DUSP22: variants seen among roughly 807,000 people sequenced by gnomAD.
The protein encoded by DUSP22 is dual specificity phosphatase 22, also known as dual specificity protein phosphatase 22.
DUSP22 carries 24 observed loss-of-function variants against 24.5 expected under a neutral mutation model. The observed-to-expected ratio is 0.98, with a 90% CI of 0.71 to 1.38. The LOEUF is 1.38. Among genes scored for constraint, DUSP22 ranks in the 40% most tolerant of loss-of-function variants. The pLI, the probability that DUSP22 is intolerant of heterozygous loss-of-function variation, is 0.00. For synonymous variants in DUSP22, 160 were observed against 106.4 expected, an observed-to-expected ratio of 1.50 and a Z score of -3.10; for missense variants, 330 against 269.2, an observed-to-expected ratio of 1.23 and a Z score of -1.58.
chr6:339,462 T>C (rs993430585), intron 4 of DUSP22, among the ~76,000 whole-genome samples: 2 of 152,310 alleles, frequency 1.3e-5, no homozygotes, highest in Admixed American at 6.5e-5. Flanking sequence ...GTTAGATGCA[T>C]ATTAACTTAT....
chr6:347,709 T>C (rs1157853031), intron 5 of DUSP22, among the ~76,000 whole-genome samples: 7 of 152,306 alleles, frequency 4.6e-5, no homozygotes, highest in Admixed American at 2.6e-4. Flanking sequence ...TGAAGCATTC[T>C]AAACAAATGT....
chr6:350,827 C>A lies in DUSP22; in HGVS notation c.*1876C>A. The A allele has an allele frequency of 6.2e-7, 1 of 1,614,266 alleles. No individual in the cohort carries two copies. ...GTAATGTTCTTTCTTCACAGCCGCT[C>A]CGGGAATTCTGAAGTTCTGGGCCTT... is the stretch of plus-strand genomic sequence containing the variant. On this transcript the variant is annotated 3_prime_UTR_variant, in exon 7 of 7. Transcript: ENST00000419235.
intron 1 of DUSP22, among the ~76,000 whole-genome samples, chr6:299,402 G>T (rs1757483576): frequency 6.6e-6 from 1 of 152,300 alleles, no homozygotes; most frequent in Non-Finnish European, 1.5e-5. Context: ...GAAAATAGAT[G>T]GGTCAAAATT....
chr6:350,643 A>G lies in DUSP22; in HGVS notation c.*1692A>G. ...TCATCCATCCGTCTACAGCTAAAAC[A>G]ATTTGCCAATAAAGTACATGTTTTT... On this transcript the variant is annotated 3_prime_UTR_variant, in exon 7 of 7. Coordinates refer to ENST00000419235, the MANE Select transcript of DUSP22 (RefSeq NM_001286555.3). 6.7e-7 allele frequency: 1 copy of G among 1,488,390 alleles called. No individual in the cohort carries two copies. The highest frequency in any genetic ancestry group is 8.9e-7 in the Non-Finnish European group (1 of 1,120,364). The allele number at this position is 1,488,390 out of a possible 1,614,324, so 92.2% of individuals were successfully genotyped here. A position where few individuals can be genotyped will look rare whatever the true frequency, so the allele number is the denominator to read the frequency against.
At chr6:293,204 T>A (rs1429593867) in intron 1 of DUSP22, among the ~76,000 whole-genome samples, 1 of 152,298 alleles carries the variant, frequency 6.6e-6, no homozygotes, top group Non-Finnish European at 1.5e-5. Context: ...GTTGCTCCAT[T>A]TGTCCCGTCC....
chr6:333,500 C>T (rs1382605560), intron 3 of DUSP22, among the ~76,000 whole-genome samples: 2 of 152,296 alleles, frequency 1.3e-5, no homozygotes, highest in Admixed American at 1.3e-4. Flanking sequence ...TTTTTCTGAC[C>T]CCTCATCATT....
At chr6:306,339 A>C (rs569287720) in intron 2 of DUSP22, among the ~76,000 whole-genome samples, 405 of 152,214 alleles carry the variant, frequency 2.7e-3, no homozygotes, top group Middle Eastern at 0.01. Flanking sequence ...AGCCTTAATC[A>C]TGAAAGGTTA....
intron 1 of DUSP22, among the ~76,000 whole-genome samples, chr6:303,267 T>C (rs1189128236): frequency 6.6e-6 from 1 of 152,306 alleles, no homozygotes; most frequent in Non-Finnish European, 1.5e-5. Context: ...AATGATAAAG[T>C]ATAGACTGTT....
At chr6:307,232 G>A (rs1400156154) in intron 2 of DUSP22, among the ~76,000 whole-genome samples, 1 of 152,292 alleles carries the variant, frequency 6.6e-6, no homozygotes, top group East Asian at 1.9e-4. Flanking sequence ...AGAGTAGAAA[G>A]GAACGTAAAC....
intron 3 of DUSP22, among the ~76,000 whole-genome samples, chr6:316,837 G>A (rs1345456440): frequency 2.0e-5 from 3 of 152,300 alleles, no homozygotes; most frequent in African/African-American, 7.2e-5. Flanking sequence ...GACACATACT[G>A]TAAGATGACA....
intron 1 of DUSP22, among the ~76,000 whole-genome samples, chr6:300,916 T>C (rs1239501247): frequency 1.3e-5 from 2 of 152,426 alleles, no homozygotes; most frequent in East Asian, 3.8e-4. Flanking sequence ...AAGTGGTCAG[T>C]GAGAGCATTT....
At chr6:336,804 G>C (rs1224384807) in intron 4 of DUSP22, among the ~76,000 whole-genome samples, 3 of 152,304 alleles carry the variant, frequency 2.0e-5, no homozygotes, top group Non-Finnish European at 4.4e-5. Context: ...GAACTTCCTT[G>C]GTTACTAGTC....
At chr6:335,365 T>C (rs1759316243) in intron 4 of DUSP22, among the ~76,000 whole-genome samples, 1 of 152,306 alleles carries the variant, frequency 6.6e-6, no homozygotes, top group African/African-American at 2.4e-5. Flanking sequence ...TGTGGTTGAC[T>C]GGTCCTTCCA....
At chr6:317,311 G>A (rs976949276) in intron 3 of DUSP22, among the ~76,000 whole-genome samples, 30 of 152,400 alleles carry the variant, frequency 2.0e-4, no homozygotes, top group African/African-American at 5.8e-4. Context: ...TTCCTGCCAC[G>A]TGTTCCTCTT....
Position 311,604 on chromosome 6 carries a change from C to T in DUSP22, c.56-276C>T, listed in dbSNP as rs190428944. 3.3e-4 allele frequency among the ~76,000 whole-genome samples: 50 copies of T among 152,362 alleles called. No individual in the cohort carries two copies. The East Asian group carries it at 6.4e-3, about 19-fold the overall frequency. ...CTGAGGCAGGAGAATTGTGTGAACCCGGGAGGCGGAGCTTGCAGTGAGCCG... is the reference window on the plus strand; with the variant it reads ...CTGAGGCAGGAGAATTGTGTGAACCTGGGAGGCGGAGCTTGCAGTGAGCCG... On this transcript the variant is annotated intron_variant, in intron 2 of 6. Coordinates refer to ENST00000419235, the MANE Select transcript of DUSP22 (RefSeq NM_001286555.3).
chr6:293,797 CTTTTT>C (rs11436850), intron 1 of DUSP22, among the ~76,000 whole-genome samples: 44 of 123,690 alleles, frequency 3.6e-4, no homozygotes, highest in East Asian at 4.7e-4. Context: ...ATTGTATTCA[CTTTTT>C]TTTTTTTTTT....
Position 350,966 on chromosome 6 carries a change from T to A in DUSP22, c.*2015T>A. On this transcript the variant is annotated 3_prime_UTR_variant, in exon 7 of 7. Coordinates refer to ENST00000419235, the MANE Select transcript of DUSP22 (RefSeq NM_001286555.3). Reference sequence around the variant, plus strand: ...AGAGTTTAAGTATCCAGTAGTGATTTGTAAACTTGTTTTTCATTTGAAGCT... The same window carrying A: ...AGAGTTTAAGTATCCAGTAGTGATTAGTAAACTTGTTTTTCATTTGAAGCT... The A allele has an allele frequency of 6.5e-7, 1 of 1,529,586 alleles. No individual in the cohort carries two copies. Among genetic ancestry groups the A allele is most frequent in the Non-Finnish European group, 9.0e-7 (1 of 1,111,020 alleles). The allele number at this position is 1,529,586 out of a possible 1,614,324, so 94.8% of individuals were successfully genotyped here. A position where few individuals can be genotyped will look rare whatever the true frequency, so the allele number is the denominator to read the frequency against.
In DUSP22 at chr6:348,683, C is replaced by G. The variant is rs111920066; in HGVS notation, c.436-86C>G. ...TCCCTGGTTATGTGTGGCACCATCT[C>G]TGTGGTGAAGTCACAGGTGCAAGCC... On this transcript the variant is annotated intron_variant, in intron 6 of 6. Transcript: ENST00000419235. 9.1e-3 allele frequency: 14,343 copies of G among 1,569,608 alleles called. 2 individuals carry two copies. Among genetic ancestry groups the G allele is most frequent in the Middle Eastern group, 0.019 (111 of 5,872 alleles).
intron 3 of DUSP22, among the ~76,000 whole-genome samples, chr6:330,135 C>A (rs1406089694): frequency 6.6e-6 from 1 of 152,304 alleles, no homozygotes; most frequent in African/African-American, 2.4e-5. Context: ...GAGGAGGACC[C>A]CCCTGGGCTC....
Sources: allele counts gnomAD v4.1 joint callset (sites outside exome capture counted in the v4.1 genomes callset), GRCh38; gene constraint gnomAD v4.1.1; transcripts MANE v1.5; gene names NCBI Gene and HGNC (gene_info 2026-07-23, HGNC 2026-07-21).